FAM193A: variants seen among roughly 807,000 people sequenced by gnomAD.
FAM193A encodes the protein protein FAM193A.
FAM193A carries 22 observed loss-of-function variants against 126.5 expected under a neutral mutation model. That is an observed-to-expected ratio of 0.17 (90% CI 0.12 to 0.25). The LOEUF (loss-of-function observed/expected upper bound fraction) is 0.25. Among genes scored for constraint, FAM193A ranks in the 10% least tolerant of loss-of-function variants. The pLI is 1.00. For synonymous variants in FAM193A, 761 were observed against 646.8 expected, an observed-to-expected ratio of 1.18 and a Z score of -2.68; for missense variants, 1,675 against 1,672.8, an observed-to-expected ratio of 1.00 and a Z score of -0.02.
intron 1 of FAM193A, among the ~76,000 whole-genome samples, chr4:2,537,959 T>C (rs1288056646): frequency 6.6e-6 from 1 of 152,218 alleles, no homozygotes; most frequent in Non-Finnish European, 1.5e-5. Context: ...CCTGCCACTT[T>C]TATTCAACCG....
At chr4:2,708,628 A>G (rs1718580492) in intron 19 of FAM193A, among the ~76,000 whole-genome samples, 1 of 151,688 alleles carries the variant, frequency 6.6e-6, no homozygotes, top group African/African-American at 2.4e-5. Flanking sequence ...ATGCCCAGCT[A>G]GTTTTTGTAT....
chr4:2,615,267 GTT>G (rs1742110683), intron 2 of FAM193A: 2 of 152,190 alleles, frequency 1.3e-5, no homozygotes, highest in Admixed American at 6.5e-5. Context: ...GCTTGTTTTG[GTT>G]TCTTAAGGTG....
At chr4:2,575,182 A>G (rs1739513977) in intron 1 of FAM193A, among the ~76,000 whole-genome samples, 1 of 152,200 alleles carries the variant, frequency 6.6e-6, no homozygotes, top group Non-Finnish European at 1.5e-5. Context: ...GTGAGATGTC[A>G]GAGGCCTATG....
At chr4:2,678,534 T>A (rs1714711365) in intron 13 of FAM193A, among the ~76,000 whole-genome samples, 1 of 152,048 alleles carries the variant, frequency 6.6e-6, no homozygotes, top group African/African-American at 2.4e-5. Context: ...GGCTAATTGT[T>A]GTATTTTTAG....
rs527615071 is a variant in FAM193A, at chr4:2,703,782, A to G, written c.4372+3238A>G. Among the ~76,000 whole-genome samples, 3 of 143,964 alleles carry G rather than the reference A, an allele frequency of 2.1e-5. No individual in the cohort carries two copies. In the South Asian group the frequency reaches 6.9e-4, roughly 33 times the overall value. The allele number at this position is 143,964 out of a possible 152,430, so 94.4% of individuals were successfully genotyped here. On this transcript the variant is annotated intron_variant, in intron 19 of 20. Coordinates refer to ENST00000637812, the MANE Select transcript of FAM193A (RefSeq NM_001366318.2). ...AATTTAAGACCAGCCTGGGCAATAT[A>G]GCAAGACCCCATCTCTACTAAAAAA...
At chr4:2,536,126 G>A (rs968559662), upstream of FAM193A, among the ~76,000 whole-genome samples, 5 of 151,726 alleles carry the variant, frequency 3.3e-5, no homozygotes, top group East Asian at 9.7e-4. Flanking sequence ...GAGCCGCGCC[G>A]GTCTGCGGCA....
chr4:2,544,637 GA>G (rs1194102410), intron 1 of FAM193A, among the ~76,000 whole-genome samples: 3 of 152,116 alleles, frequency 2.0e-5, no homozygotes, highest in African/African-American at 7.2e-5. Context: ...CCAGGAGGCA[GA>G]GGTTGCAGTG....
intron 18 of FAM193A, among the ~76,000 whole-genome samples, chr4:2,697,521 G>T (rs1717176705): frequency 6.6e-6 from 1 of 152,186 alleles, no homozygotes; most frequent in African/African-American, 2.4e-5. Context: ...AGGTTCCTGG[G>T]GTTCTGACAG....
chr4:2,629,955 A>G (rs372667793), intron 4 of FAM193A, among the ~76,000 whole-genome samples: 11 of 151,926 alleles, frequency 7.2e-5, no homozygotes, highest in Non-Finnish European at 1.3e-4. Flanking sequence ...ACATGGTGAA[A>G]CCCCGTCTCT....
intron 1 of FAM193A, among the ~76,000 whole-genome samples, chr4:2,539,527 C>T (rs1324520105): frequency 6.6e-6 from 1 of 151,998 alleles, no homozygotes; most frequent in African/African-American, 2.4e-5. Flanking sequence ...CTAAGCAGTC[C>T]TTCCATGTAG....
chr4:2,555,627 T>C (rs112213342), intron 1 of FAM193A, among the ~76,000 whole-genome samples: 2 of 152,004 alleles, frequency 1.3e-5, no homozygotes, highest in African/African-American at 4.8e-5. Flanking sequence ...TTGTTTGTTT[T>C]TTGTTTTTGA....
In FAM193A at chr4:2,704,302, A is replaced by G. The variant is rs529380029; in HGVS notation, c.4372+3758A>G. On this transcript the variant is annotated intron_variant, in intron 19 of 20. Transcript: ENST00000637812. ...AAATTAAGGCTGGGCATGGTGGCTC[A>G]CATCCATAATCCCAGCATTTTGAGA... 3.4e-3 allele frequency among the ~76,000 whole-genome samples: 513 copies of G among 151,486 alleles called. 3 individuals carry two copies. Among genetic ancestry groups the G allele is most frequent in the African/African-American group, 0.012 (491 of 41,304 alleles).
In FAM193A at chr4:2,690,616, G is replaced by A. The variant is rs1577211837; in HGVS notation, c.2531-82G>A. The A allele has an allele frequency of 1.8e-5, 23 of 1,294,842 alleles. No homozygotes were observed. In the South Asian group the frequency reaches 3.3e-4, roughly 19 times the overall value. 80.2% of individuals were successfully genotyped at this position (1,294,842 alleles called of 1,614,324 possible). ...TTCAGTAGCACCCCCAGTATCAAGTGTTCAGTCATCAGCATGTCTTTTAGG... is the reference window on the plus strand; with the variant it reads ...TTCAGTAGCACCCCCAGTATCAAGTATTCAGTCATCAGCATGTCTTTTAGG... On this transcript the variant is annotated intron_variant, in intron 14 of 20. Coordinates refer to ENST00000637812, the MANE Select transcript of FAM193A (RefSeq NM_001366318.2).
intron 1 of FAM193A, among the ~76,000 whole-genome samples, chr4:2,584,067 C>T (rs1215177560): frequency 6.6e-6 from 1 of 151,980 alleles, no homozygotes; most frequent in Non-Finnish European, 1.5e-5. Flanking sequence ...TCTTTGTTTT[C>T]TTCTAGAGGT....
At chr4:2,717,111 C>T (rs1415662359) in intron 20 of FAM193A, among the ~76,000 whole-genome samples, 1 of 152,142 alleles carries the variant, frequency 6.6e-6, no homozygotes, top group Non-Finnish European at 1.5e-5. Flanking sequence ...TCCTGACTAA[C>T]TAGGATTACA....
At chr4:2,716,153 T>C (rs372977540) in intron 20 of FAM193A, 49 bp downstream of exon 20, 3 of 1,234,670 alleles carry the variant, frequency 2.4e-6, no homozygotes, top group Non-Finnish European at 3.6e-6. Flanking sequence ...GTGCTTGCCA[T>C]ACATGTTTGG....
intron 12 of FAM193A, among the ~76,000 whole-genome samples, chr4:2,664,859 G>A (rs540104642): frequency 4.6e-5 from 7 of 152,116 alleles, no homozygotes; most frequent in Admixed American, 2.6e-4. Context: ...CACTGCACCC[G>A]GCTGGTACAC....
chr4:2,591,942 A>G (rs1228184928), intron 1 of FAM193A, among the ~76,000 whole-genome samples: 1 of 152,160 alleles, frequency 6.6e-6, no homozygotes, highest in Non-Finnish European at 1.5e-5. Flanking sequence ...CATCTTAGCC[A>G]TATGTCCGTA....
At position 2,659,986 on chromosome 4, in the gene FAM193A, C is replaced by T. The variant is rs1374854746; in HGVS notation, c.1677C>T (p.Ser559=). Residue 559 remains serine (S), a synonymous_variant, in exon 10 of 21, where the codon TCC becomes TCT. Transcript: ENST00000637812. ...CATCTGCAAGCTCGGGGTCCGGCTC[C>T]AGCTCTCCCATCACAATTCAGCAGC... ...SVSSASSGSG[S]SSPITIQQHP... The T allele has an allele frequency of 6.2e-7, 1 of 1,614,088 alleles. No homozygotes were observed. Among genetic ancestry groups the T allele is most frequent in the Non-Finnish European group, 8.5e-7 (1 of 1,180,048 alleles).
Sources: gnomAD v4.1 joint callset for allele counts (sites outside exome capture counted in the v4.1 genomes callset) on GRCh38, gnomAD v4.1.1 for gene constraint, MANE v1.5 for transcripts, NCBI Gene and HGNC (gene_info 2026-07-23, HGNC 2026-07-21) for gene names.